Variants in EVI5 observed in about 807,000 individuals in gnomAD.
The protein encoded by EVI5 is ecotropic viral integration site 5 protein homolog.
In EVI5, 73 loss-of-function variants were observed where a neutral mutation model predicts 112.0. The observed-to-expected ratio is 0.65, with a 90% confidence interval of 0.54 to 0.79. The LOEUF (loss-of-function observed/expected upper bound fraction) is 0.79. Among genes scored for constraint, EVI5 ranks in the 30% least tolerant of loss-of-function variants. The probability of loss-of-function intolerance (pLI) is 0.00; values close to 1 mark genes in which losing one functional copy is unlikely to be tolerated. For missense variants in EVI5, 900 were observed against 968.8 expected, an observed-to-expected ratio of 0.93 and a Z score of 0.94; for synonymous variants, 305 against 319.9, an observed-to-expected ratio of 0.95 and a Z score of 0.50.
chr1:92,745,909 T>C (rs1311008631), intron 1 of EVI5, among the ~76,000 whole-genome samples: 1 of 152,162 alleles, frequency 6.6e-6, no homozygotes, highest in Non-Finnish European at 1.5e-5. Flanking sequence ...ACAAAATTGG[T>C]GAATAGTGTT....
At chr1:92,591,467 T>C (rs1247244462) in intron 18 of EVI5, among the ~76,000 whole-genome samples, 4 of 152,086 alleles carry the variant, frequency 2.6e-5, no homozygotes, top group East Asian at 3.9e-4. Context: ...CAATCCTAGT[T>C]TCCAATAAAA....
chr1:92,615,393 T>C (rs1340832202), intron 16 of EVI5, among the ~76,000 whole-genome samples: 2 of 152,278 alleles, frequency 1.3e-5, no homozygotes, highest in African/African-American at 4.8e-5. Context: ...AAGCTCTTCA[T>C]GCGAGTGGCT....
rs1000279555 is a variant in EVI5 at position 92,778,973 on chromosome 1, A to AT, written c.-82+5862dup. Among the ~76,000 whole-genome samples the AT allele has an allele frequency of 3.2e-3, 468 of 148,384 alleles. 2 individuals are homozygous for AT. Among genetic ancestry groups the AT allele is most frequent in the African/African-American group, 9.4e-3 (382 of 40,634 alleles). On this transcript the variant is annotated intron_variant, in intron 1 of 19. Coordinates refer to ENST00000684568, the MANE Select transcript of EVI5 (RefSeq NM_001350197.2). ...AGATTCTGACGTATTAGCAGCAGGG[A>AT]TTTTTTTTTTTAATTCTCCATGTGA...
intron 13 of EVI5, among the ~76,000 whole-genome samples, chr1:92,657,910 T>TA (rs921271192): frequency 6.6e-6 from 1 of 152,004 alleles, no homozygotes; most frequent in Non-Finnish European, 1.5e-5. Context: ...CACACAGTCT[T>TA]AAACAATCTG....
At chr1:92,612,760 A>C (rs1652163381) in intron 16 of EVI5, among the ~76,000 whole-genome samples, 1 of 151,906 alleles carries the variant, frequency 6.6e-6, no homozygotes, top group Admixed American at 6.6e-5. Flanking sequence ...AACTAAGTTC[A>C]AACCCGGAGC....
chr1:92,635,400 C>T (rs769788657), intron 14 of EVI5, among the ~76,000 whole-genome samples: 107 of 152,188 alleles, frequency 7.0e-4, no homozygotes, highest in Non-Finnish European at 1.4e-3. Flanking sequence ...GCTGCAGCCT[C>T]GCTGCCGCCT....
At chr1:92,602,057 C>G (rs946138057) in intron 18 of EVI5, among the ~76,000 whole-genome samples, 1 of 152,022 alleles carries the variant, frequency 6.6e-6, no homozygotes, top group African/African-American at 2.4e-5. Context: ...GGGACTACTA[C>G]CAGCAGAACA....
chr1:92,688,628 C>G (rs1257978563), intron 9 of EVI5, among the ~76,000 whole-genome samples: 1 of 152,080 alleles, frequency 6.6e-6, no homozygotes, highest in Non-Finnish European at 1.5e-5. Context: ...CGAGGCACCT[C>G]TACTACAGAA....
intron 1 of EVI5, chr1:92,749,471 AT>A (rs1487632702): frequency 1.9e-5 from 3 of 154,328 alleles, no homozygotes; most frequent in African/African-American, 7.2e-5. Flanking sequence ...CTACTATTTA[AT>A]TTTCCAACAG....
chr1:92,702,728 C>G (rs556531712), intron 4 of EVI5, among the ~76,000 whole-genome samples: 1 of 151,124 alleles, frequency 6.6e-6, no homozygotes, highest in South Asian at 2.1e-4. Flanking sequence ...ATTGCTTGAA[C>G]CTGGGAGGTG....
chr1:92,738,004 GA>G (rs1677732218), intron 1 of EVI5, among the ~76,000 whole-genome samples: 1 of 152,070 alleles, frequency 6.6e-6, no homozygotes, highest in South Asian at 2.1e-4. Flanking sequence ...GTTGAGAGAC[GA>G]ATCCCAAGAA....
intron 19 of EVI5, among the ~76,000 whole-genome samples, chr1:92,532,999 C>CCT: frequency 7.1e-6 from 1 of 140,424 alleles, no homozygotes; most frequent in Admixed American, 7.1e-5. Context: ...AATCTAGGAA[C>CCT]TTTTTTTTTT....
intron 1 of EVI5, among the ~76,000 whole-genome samples, chr1:92,744,937 T>A (rs1679035437): frequency 1.3e-5 from 2 of 151,912 alleles, no homozygotes; most frequent in Admixed American, 1.3e-4. Flanking sequence ...TAGTCAGGAA[T>A]CGTTTTTCTC....
intron 13 of EVI5, among the ~76,000 whole-genome samples, chr1:92,644,338 A>G (rs1012954702): frequency 2.0e-5 from 3 of 152,234 alleles, no homozygotes; most frequent in Non-Finnish European, 2.9e-5. Context: ...CAAATCTAGA[A>G]TATGAAATAA....
chr1:92,585,152 G>A (rs1369121534), intron 18 of EVI5, among the ~76,000 whole-genome samples: 1 of 151,582 alleles, frequency 6.6e-6, no homozygotes, highest in Non-Finnish European at 1.5e-5. Flanking sequence ...TGAACCAGAA[G>A]GCTGAGGTTG....
At chr1:92,614,857 T>G (rs370826891) in intron 16 of EVI5, among the ~76,000 whole-genome samples, 134,197 of 144,208 alleles carry the variant, frequency 0.93, 62,539 homozygotes, top group South Asian at 0.97. Flanking sequence ...TATATATATA[T>G]ATATATATAT....
chr1:92,735,503 A>C (rs911206771), intron 2 of EVI5, among the ~76,000 whole-genome samples: 2 of 151,412 alleles, frequency 1.3e-5, no homozygotes, highest in African/African-American at 4.8e-5. Context: ...AAACCTGTTA[A>C]AAGTTATTTT....
chr1:92,704,573 CT>C lies in EVI5; in HGVS notation c.320del (p.Lys107ArgfsTer21). 1 of 1,577,488 alleles carries C rather than the reference CT, an allele frequency of 6.3e-7. No individual in the cohort carries two copies. The highest frequency in any genetic ancestry group is 1.9e-5 in the Admixed American group (1 of 53,162). On this transcript the variant is annotated frameshift_variant, in exon 3 of 20. Coordinates refer to ENST00000684568, the MANE Select transcript of EVI5 (RefSeq NM_001350197.2). LOFTEE classifies it high-confidence loss of function. ...IVNEWEDVRK[K>X]KEKQVKELVH... ...TGAATACCTTAACTTGCTTTTCCTT[CT>C]TTTTGCGTACATCTTCCCATTCATT...
intron 19 of EVI5, among the ~76,000 whole-genome samples, chr1:92,547,403 T>A (rs536414558): frequency 6.4e-4 from 97 of 152,168 alleles, no homozygotes; most frequent in African/African-American, 2.2e-3. Context: ...GCAGGAAAGA[T>A]CTAAAATTGA....
Sources: gnomAD v4.1 joint callset for allele counts (sites outside exome capture counted in the v4.1 genomes callset) on GRCh38, gnomAD v4.1.1 for gene constraint, MANE v1.5 for transcripts, NCBI Gene and HGNC (gene_info 2026-07-23, HGNC 2026-07-21) for gene names.